The following KIF15 variants were observed in gnomAD, a reference collection of about 807,000 sequenced individuals.
KIF15 encodes kinesin-like protein KIF15.
KIF15 carries 140 observed loss-of-function variants against 190.6 expected under a neutral mutation model. That is an observed-to-expected ratio of 0.73 (90% CI 0.64 to 0.84). KIF15 has a LOEUF of 0.84. KIF15 is among the 40% of genes least tolerant of loss of function. The probability of loss-of-function intolerance (pLI) is 0.00; values close to 1 mark genes in which losing one functional copy is unlikely to be tolerated. For missense variants in KIF15, 1,372 were observed against 1,584.4 expected, an observed-to-expected ratio of 0.87 and a Z score of 2.28; for synonymous variants, 528 against 551.3, an observed-to-expected ratio of 0.96 and a Z score of 0.59.
chr3:44,798,905 A>G (rs1374114918), intron 10 of KIF15, among the ~76,000 whole-genome samples: 7 of 152,250 alleles, frequency 4.6e-5, no homozygotes, highest in African/African-American at 7.2e-5. Flanking sequence ...TCTGATGCCA[A>G]TTGCAAGCCC....
chr3:44,824,421 A>G (rs1195801081), intron 20 of KIF15, among the ~76,000 whole-genome samples: 1 of 152,060 alleles, frequency 6.6e-6, no homozygotes, highest in African/African-American at 2.4e-5. Flanking sequence ...CCACTTATCT[A>G]GTTGTCTGAT....
downstream of KIF15, among the ~76,000 whole-genome samples, chr3:44,854,911 A>G (rs57724088): frequency 0.042 from 6,348 of 152,310 alleles, 345 homozygotes; most frequent in African/African-American, 0.12. Flanking sequence ...GATTATAACT[A>G]TAATGACCCT....
At chr3:44,832,461 T>C (rs951215549) in intron 26 of KIF15, among the ~76,000 whole-genome samples, 10 of 152,154 alleles carry the variant, frequency 6.6e-5, no homozygotes, top group Admixed American at 5.2e-4. Context: ...TGGTGTCCAG[T>C]TGGATATGTA....
chr3:44,775,908 G>A (rs545488672), intron 3 of KIF15, among the ~76,000 whole-genome samples: 3 of 151,528 alleles, frequency 2.0e-5, no homozygotes, highest in South Asian at 4.2e-4. Context: ...GTGAAACCCC[G>A]TCTATACTAA....
chr3:44,861,188 T>C (rs537560547), intron 6 of KIF15, among the ~76,000 whole-genome samples: 1 of 151,952 alleles, frequency 6.6e-6, no homozygotes, highest in East Asian at 1.9e-4. Context: ...ACGGGGTTTC[T>C]CTATGTTGGT....
Position 44,826,421 on chromosome 3 carries a change from TATC to T in KIF15, c.2750_2752del (p.Ser917del). The T allele has an allele frequency of 1.2e-6, 2 of 1,613,144 alleles. No individual in the cohort carries two copies. The highest frequency in any genetic ancestry group is 8.5e-7 in the Non-Finnish European group (1 of 1,179,466). On this transcript the variant is annotated inframe_deletion, in exon 22 of 35. Coordinates refer to ENST00000326047, the MANE Select transcript of KIF15 (RefSeq NM_020242.3). Reference sequence around the variant, plus strand: ...GCAGAAAAAGAACGCAATAACAAATTATCATTACAGTTTGAAGAAGATAAAGAA... The same window carrying T: ...GCAGAAAAAGAACGCAATAACAAATTATTACAGTTTGAAGAAGATAAAGAA...
intron 4 of KIF15, among the ~76,000 whole-genome samples, chr3:44,779,061 T>C (rs1340066233): frequency 6.6e-6 from 1 of 152,086 alleles, no homozygotes; most frequent in Non-Finnish European, 1.5e-5. Context: ...TTATATGTTA[T>C]GGATATGCAT....
At chr3:44,811,126 A>C (rs1353314800) in intron 17 of KIF15, 83 bp downstream of exon 17, 16 of 1,080,680 alleles carry the variant, frequency 1.5e-5, no homozygotes, top group Non-Finnish European at 2.1e-5. Flanking sequence ...CCTATAAGTT[A>C]CAGTGTTCAA....
intron 6 of KIF15, chr3:44,861,969 C>T (rs1245219899): frequency 1.4e-6 from 2 of 1,394,292 alleles, no homozygotes; most frequent in Admixed American, 7.0e-5. Flanking sequence ...TGTCCGCGAC[C>T]GCGTACCCTG....
Position 44,800,373 on chromosome 3 carries a change from G to A in KIF15, c.1158G>A (p.Arg386=). Residue 386 remains arginine, a synonymous_variant, in exon 11 of 35, where the codon AGG becomes AGA. Coordinates refer to ENST00000326047, the MANE Select transcript of KIF15 (RefSeq NM_020242.3). The part of the protein sequence containing the change: ...NVSQLQAEVK[R]LKEQLAELAS... ...GCCAGCTCCAAGCTGAAGTGAAGAGGCTCAAAGAACAACTGGCGGAGCTTG... is the reference window on the plus strand; with the variant it reads ...GCCAGCTCCAAGCTGAAGTGAAGAGACTCAAAGAACAACTGGCGGAGCTTG... 1 of 1,614,150 alleles carries A rather than the reference G, an allele frequency of 6.2e-7. No individual in the cohort carries two copies. Among genetic ancestry groups the A allele is most frequent in the Non-Finnish European group, 8.5e-7 (1 of 1,180,012 alleles).
chr3:44,832,684 C>T (rs1031767095), intron 26 of KIF15, among the ~76,000 whole-genome samples: 1 of 152,082 alleles, frequency 6.6e-6, no homozygotes, highest in African/African-American at 2.4e-5. Flanking sequence ...TGCTACATCG[C>T]AGAAAGGATT....
chr3:44,793,178 G>A (rs1327683858), intron 7 of KIF15, among the ~76,000 whole-genome samples: 1 of 152,082 alleles, frequency 6.6e-6, no homozygotes, highest in Admixed American at 6.5e-5. Context: ...CAAATATGAA[G>A]GCTGAGGCTT....
Position 44,828,253 on chromosome 3 carries a change from A to C in KIF15, c.2896A>C (p.Thr966Pro). ...VQKLEESLLATEKVISSLEKS... is the reference protein window; with the variant it reads ...VQKLEESLLAPEKVISSLEKS... ...GAAACTAGAAGAGAGCTTGCTTGCT[A>C]CTGAAAAAGTGATCAGTTCCCTGGA... Residue 966 changes from threonine (T) to proline (P), a missense_variant, in exon 24 of 35, where the codon ACT (threonine) becomes CCT (proline). By Grantham distance (38) the Thr-to-Pro change is conservative. Transcript: ENST00000326047. 6.2e-7 allele frequency: 1 copy of C among 1,613,812 alleles called. No individual in the cohort carries two copies.
Position 44,840,345 on chromosome 3 carries a change from A to T in KIF15, c.3319-10A>T. On this transcript the variant is annotated splice_polypyrimidine_tract_variant and intron_variant, in intron 27 of 34. Coordinates refer to ENST00000326047, the MANE Select transcript of KIF15 (RefSeq NM_020242.3). ...TAAGTTGTAACCTTGTATCTGTTCA[A>T]TTTTCCCAGCTAAACCAAAAGAAAG... 2 of 1,563,136 alleles carry T rather than the reference A, an allele frequency of 1.3e-6. No homozygotes were observed. The highest frequency in any genetic ancestry group is 1.8e-6 in the Non-Finnish European group (2 of 1,142,502).
intron 28 of KIF15, 54 bp from the exon 29 acceptor site, chr3:44,841,020 A>G: frequency 3.4e-6 from 5 of 1,466,264 alleles, no homozygotes; most frequent in Non-Finnish European, 1.9e-6. Flanking sequence ...TTTAAAAGAA[A>G]TCTTTATAAT....
downstream of KIF15, among the ~76,000 whole-genome samples, chr3:44,857,740 A>T (rs1049952982): frequency 2.6e-5 from 4 of 152,208 alleles, no homozygotes; most frequent in Non-Finnish European, 4.4e-5. Flanking sequence ...GTTGTTTTGT[A>T]GAAGGGGTTG....
chr3:44,778,065 A>C (rs1313636943), intron 3 of KIF15, 50 bp from the exon 4 acceptor site: 1 of 1,516,104 alleles, frequency 6.6e-7, no homozygotes, highest in Non-Finnish European at 9.2e-7. Flanking sequence ...CAATTTAGGA[A>C]AAATGTTTTC....
chr3:44,805,768 G>A, intron 15 of KIF15, 77 bp from the exon 16 acceptor site: 2 of 1,277,278 alleles, frequency 1.6e-6, no homozygotes, highest in Non-Finnish European at 2.2e-6. Context: ...TTATGTGAGA[G>A]CATAAACTGT....
In KIF15 at chr3:44,778,211, C is replaced by T. The variant is rs75053678; in HGVS notation, c.323+20C>T. ...TGCATAGTAAGTTGTTGACTGTGTC[C>T]TTATACATAGTACATGCTTGAATTA... On this transcript the variant is annotated intron_variant, in intron 4 of 34. Transcript: ENST00000326047. The T allele has an allele frequency of 1.7e-5, 27 of 1,552,874 alleles. No individual in the cohort carries two copies. The highest frequency in any genetic ancestry group is 2.4e-5 in the Non-Finnish European group (27 of 1,124,136).
Sources: allele counts gnomAD v4.1 joint callset (sites outside exome capture counted in the v4.1 genomes callset), GRCh38; gene constraint gnomAD v4.1.1; transcripts MANE v1.5; gene names NCBI Gene and HGNC (gene_info 2026-07-23, HGNC 2026-07-21).